GPBP1L1: variants seen among roughly 807,000 people sequenced by gnomAD.
The protein encoded by GPBP1L1 is vasculin-like protein 1.
A neutral mutation model predicts 52.5 loss-of-function variants in GPBP1L1; 23 were observed. The observed-to-expected ratio is 0.44, with a 90% CI of 0.32 to 0.62. The LOEUF is 0.62. Among genes scored for constraint, GPBP1L1 ranks in the 20% least tolerant of loss-of-function variants. The pLI, the probability that GPBP1L1 is intolerant of heterozygous loss-of-function variation, is 0.06. For missense variants in GPBP1L1, 596 were observed against 579.3 expected (o/e 1.03, Z -0.30); for synonymous variants, 243 against 203.1 (o/e 1.20, Z -1.67).
In GPBP1L1 at chr1:45,643,658, CTTTTTTTTTTTTTT is replaced by C. The variant is rs113388167; in HGVS notation, c.478-1173_478-1160del. On this transcript the variant is annotated intron_variant, in intron 6 of 12. Coordinates refer to ENST00000355105, the MANE Select transcript of GPBP1L1 (RefSeq NM_021639.5). ...ATCTGGTAACAGGGTAGGAGAATGG[CTTTTTTTTTTTTTT>C]TTTTTTTTTTTTTTTGTGACAGAGT... 1.0e-3 allele frequency among the ~76,000 whole-genome samples: 66 copies of C among 65,142 alleles called. 1 individual carries two copies. Among genetic ancestry groups the C allele is most frequent in the African/African-American group, 3.3e-3 (51 of 15,656 alleles). 42.7% of individuals were successfully genotyped at this position (65,142 alleles called of 152,430 possible). A position where few individuals can be genotyped will look rare whatever the true frequency, so the allele number is the denominator to read the frequency against.
chr1:45,654,285 T>C (rs1213874790), intron 6 of GPBP1L1: 1 of 314,806 alleles, frequency 3.2e-6, no homozygotes, highest in Non-Finnish European at 5.8e-6. Flanking sequence ...GAGTAAACTT[T>C]ATAAGACTTA....
chr1:45,683,372 A>AT (rs1645235908), intron 2 of GPBP1L1, among the ~76,000 whole-genome samples: 2 of 150,772 alleles, frequency 1.3e-5, no homozygotes, highest in Non-Finnish European at 3.0e-5. Flanking sequence ...CGCCCAGCTA[A>AT]TTTTTTGTAT....
chr1:45,665,650 A>T (rs953160604), intron 2 of GPBP1L1, among the ~76,000 whole-genome samples: 1 of 149,686 alleles, frequency 6.7e-6, no homozygotes, highest in African/African-American at 2.5e-5. Context: ...CTGAGGCAGG[A>T]GAATCGCTTG....
At chr1:45,629,454 T>TCG in intron 12 of GPBP1L1, 122 bp downstream of exon 12, 1 of 115,396 alleles carries the variant, frequency 8.7e-6, no homozygotes. Context: ...ACTAAGGTAA[T>TCG]CCCCCCCCCC....
intron 2 of GPBP1L1, among the ~76,000 whole-genome samples, chr1:45,664,300 AAC>A (rs1223960656): frequency 2.0e-5 from 3 of 146,990 alleles, no homozygotes; most frequent in Non-Finnish European, 4.5e-5. Flanking sequence ...CAGCCTGGGC[AAC>A]AGAGTGAGAC....
intron 2 of GPBP1L1, among the ~76,000 whole-genome samples, chr1:45,684,279 AAAAAG>A (rs1366475247): frequency 6.9e-6 from 1 of 144,516 alleles, no homozygotes; most frequent in South Asian, 2.2e-4. Flanking sequence ...AAAAAAAAAG[AAAAAG>A]AAAAGAAAAG....
At chr1:45,650,349 A>G (rs1644805158) in intron 6 of GPBP1L1, among the ~76,000 whole-genome samples, 1 of 152,218 alleles carries the variant, frequency 6.6e-6, no homozygotes, top group Non-Finnish European at 1.5e-5. Context: ...CCAAACTGCC[A>G]GAGTCAAAGC....
At position 45,628,215 on chromosome 1, in the gene GPBP1L1, A is replaced by G. The variant is rs1368201847; in HGVS notation, c.*41T>C. The G allele has an allele frequency of 2.5e-6, 4 of 1,592,580 alleles. No homozygotes were observed. The highest frequency in any genetic ancestry group is 3.4e-6 in the Non-Finnish European group (4 of 1,162,552). On this transcript the variant is annotated 3_prime_UTR_variant, in exon 13 of 13. Coordinates refer to ENST00000355105, the MANE Select transcript of GPBP1L1 (RefSeq NM_021639.5). ...TCTTTTGTATACTCCCTAAACACAC[A>G]GAGTTTACTGGGTCAGATTTAACTG...
chr1:45,669,714 T>C (rs1015638997), intron 2 of GPBP1L1, among the ~76,000 whole-genome samples: 6 of 151,756 alleles, frequency 4.0e-5, no homozygotes, highest in African/African-American at 1.5e-4. Flanking sequence ...TTCCACAAAA[T>C]AGAAAAAGAA....
intron 6 of GPBP1L1, among the ~76,000 whole-genome samples, chr1:45,649,930 C>T (rs1312132016): frequency 1.3e-5 from 2 of 152,074 alleles, no homozygotes; most frequent in Non-Finnish European, 2.9e-5. Flanking sequence ...CTACAGAGTC[C>T]TTAGGATTTT....
chr1:45,639,985 A>G (rs910416053), intron 8 of GPBP1L1, among the ~76,000 whole-genome samples: 1 of 151,676 alleles, frequency 6.6e-6, no homozygotes, highest in African/African-American at 2.4e-5. Flanking sequence ...ACACTGAGCC[A>G]TGATTGTGCC....
chr1:45,630,667 A>G, intron 10 of GPBP1L1, 61 bp from the exon 11 acceptor site: 1 of 1,576,486 alleles, frequency 6.3e-7, no homozygotes, highest in Non-Finnish European at 8.6e-7. Flanking sequence ...AATATAAGCA[A>G]CCTATGAAAT....
chr1:45,651,671 C>CAGGTG, intron 6 of GPBP1L1: 3 of 648,580 alleles, frequency 4.6e-6, no homozygotes, highest in Non-Finnish European at 8.4e-6. Flanking sequence ...TTTCACAAAG[C>CAGGTG]AGGTGAGGTC....
intron 2 of GPBP1L1, among the ~76,000 whole-genome samples, chr1:45,666,507 G>A (rs1203881185): frequency 6.6e-6 from 1 of 152,096 alleles, no homozygotes; most frequent in African/African-American, 2.4e-5. Flanking sequence ...GACACACACA[G>A]CATGTATCTA....
At chr1:45,650,366 CCA>C (rs1490579791) in intron 6 of GPBP1L1, among the ~76,000 whole-genome samples, 2 of 152,162 alleles carry the variant, frequency 1.3e-5, no homozygotes, top group Non-Finnish European at 2.9e-5. Flanking sequence ...AAGCTCTCTC[CCA>C]CACTTAGTAA....
intron 4 of GPBP1L1, among the ~76,000 whole-genome samples, chr1:45,657,608 C>T (rs558018422): frequency 4.6e-4 from 70 of 152,140 alleles, no homozygotes; most frequent in Non-Finnish European, 8.5e-4. Flanking sequence ...AATCTCAGCA[C>T]TTTTGGAGGC....
At chr1:45,642,151 C>T (rs947811225) in intron 7 of GPBP1L1, among the ~76,000 whole-genome samples, 1 of 152,172 alleles carries the variant, frequency 6.6e-6, no homozygotes, top group Non-Finnish European at 1.5e-5. Context: ...AACAGACTAA[C>T]AAACACCACC....
chr1:45,629,267 A>G (rs989650585), intron 12 of GPBP1L1, among the ~76,000 whole-genome samples: 2 of 152,242 alleles, frequency 1.3e-5, no homozygotes, highest in Non-Finnish European at 2.9e-5. Flanking sequence ...CTTAAAGACC[A>G]AGAGCTCAGA....
At chr1:45,684,743 A>T (rs562446226) in intron 2 of GPBP1L1, among the ~76,000 whole-genome samples, 1 of 152,322 alleles carries the variant, frequency 6.6e-6, no homozygotes, top group African/African-American at 2.4e-5. Flanking sequence ...CAAAGCAACT[A>T]GCTTGTAATT....
Sources: gnomAD v4.1 joint callset for allele counts (sites outside exome capture counted in the v4.1 genomes callset) on GRCh38, gnomAD v4.1.1 for gene constraint, MANE v1.5 for transcripts, NCBI Gene and HGNC (gene_info 2026-07-23, HGNC 2026-07-21) for gene names.